Variants in EXOC2 observed in about 807,000 individuals in gnomAD.
EXOC2 encodes SEC5-like 1.
In EXOC2, 70 loss-of-function variants were observed where a neutral mutation model predicts 131.8. The ratio of observed to expected loss-of-function variants is 0.53; its 90% CI spans 0.44 to 0.65. The LOEUF is 0.65. EXOC2 is among the 30% of genes least tolerant of loss of function. EXOC2 has a pLI of 0.00. For synonymous variants in EXOC2, 411 were observed against 398.4 expected (o/e 1.03, Z -0.38); for missense variants, 923 against 1,108.6 (o/e 0.83, Z 2.38).
chr6:539,880 G>A lies in EXOC2; in HGVS notation c.2239-7270C>T, dbSNP rs561656587. ...TCTTTTCAAATGGATGGCAGGACAG[G>A]TGGCAAACTGACATTCCTTTATATT... On this transcript the variant is annotated intron_variant, in intron 22 of 27. Transcript: ENST00000230449. Among the ~76,000 whole-genome samples, 19 of 152,278 alleles carry A rather than the reference G, an allele frequency of 1.2e-4. 1 individual carries two copies. The South Asian group carries it at 2.7e-3, about 22-fold the overall frequency.
chr6:503,158 G>A (rs902321231), intron 23 of EXOC2, among the ~76,000 whole-genome samples: 17 of 145,478 alleles, frequency 1.2e-4, no homozygotes, highest in Non-Finnish European at 2.4e-4. Flanking sequence ...AAATACAGGA[G>A]CAAGTACTTT....
At chr6:624,782 G>C (rs1761467541) in intron 4 of EXOC2, among the ~76,000 whole-genome samples, 1 of 152,198 alleles carries the variant, frequency 6.6e-6, no homozygotes, top group South Asian at 2.1e-4. Context: ...AGGAAAGGAA[G>C]AGGTAGTATA....
At chr6:530,209 A>G (rs1321772981) in intron 23 of EXOC2, among the ~76,000 whole-genome samples, 1 of 152,236 alleles carries the variant, frequency 6.6e-6, no homozygotes, top group African/African-American at 2.4e-5. Context: ...GTACTTTCCT[A>G]CTGAGAAAAT....
chr6:642,782 T>C (rs931797857), intron 1 of EXOC2, among the ~76,000 whole-genome samples: 1 of 152,082 alleles, frequency 6.6e-6, no homozygotes, highest in Non-Finnish European at 1.5e-5. Context: ...GCACAGTAGG[T>C]AGAAGATATT....
chr6:626,567 T>C (rs565708891), intron 4 of EXOC2, among the ~76,000 whole-genome samples: 3 of 151,932 alleles, frequency 2.0e-5, no homozygotes, highest in Non-Finnish European at 4.4e-5. Context: ...GATAACTCAC[T>C]AGGACCACAG....
chr6:493,073 C>T (rs1216623082), intron 25 of EXOC2, among the ~76,000 whole-genome samples: 1 of 152,118 alleles, frequency 6.6e-6, no homozygotes, highest in Non-Finnish European at 1.5e-5. Context: ...GTGGGACACA[C>T]AGGAGAACAT....
At chr6:653,141 C>G (rs541447258) in intron 1 of EXOC2, among the ~76,000 whole-genome samples, 2 of 152,350 alleles carry the variant, frequency 1.3e-5, no homozygotes, top group South Asian at 4.1e-4. Context: ...TCCCTCTCCT[C>G]AAGCCTCCCT....
intron 1 of EXOC2, among the ~76,000 whole-genome samples, chr6:687,168 A>ATTTTTTTTTTTTTTTTTTTT (rs1292769233): frequency 2.5e-5 from 1 of 40,702 alleles, no homozygotes; most frequent in Non-Finnish European, 5.6e-5. Context: ...ATCAAATAAT[A>ATTTTTTTTTTTTTTTTTTTT]TTCTTTTTTT....
intron 11 of EXOC2, 34 bp from the exon 12 acceptor site, chr6:576,916 A>G (rs1040437577): frequency 1.9e-6 from 3 of 1,605,512 alleles, no homozygotes; most frequent in African/African-American, 1.3e-5. Context: ...CAGAGTATAT[A>G]GCATGCTCTA....
intron 1 of EXOC2, among the ~76,000 whole-genome samples, chr6:671,779 A>C (rs1207027494): frequency 6.6e-6 from 1 of 152,076 alleles, no homozygotes; most frequent in African/African-American, 2.4e-5. Context: ...AGTCTGATGT[A>C]ATTTCCATTC....
intron 6 of EXOC2, 137 bp from the exon 7 acceptor site, chr6:610,315 C>T: frequency 2.8e-6 from 2 of 709,042 alleles, no homozygotes; most frequent in Middle Eastern, 3.8e-4. Flanking sequence ...ACATGCTACC[C>T]TGTACAAGGT....
rs1019818529 is a variant in EXOC2 at position 603,615 on chromosome 6, T to G, written c.743-4390A>C. Among the ~76,000 whole-genome samples, 13 of 145,968 alleles carry G rather than the reference T, an allele frequency of 8.9e-5. No homozygotes were observed. The East Asian group carries it at 2.5e-3, about 28-fold the overall frequency. On this transcript the variant is annotated intron_variant, in intron 7 of 27. Coordinates refer to ENST00000230449, the MANE Select transcript of EXOC2 (RefSeq NM_018303.6). Reference sequence around the variant, plus strand: ...AGGTTAATTTTTTCTATCTTCTTCTTTTTTTTTTTGAATGCATGTTGTGAA... The same window carrying G: ...AGGTTAATTTTTTCTATCTTCTTCTGTTTTTTTTTGAATGCATGTTGTGAA...
intron 1 of EXOC2, among the ~76,000 whole-genome samples, chr6:665,625 T>G (rs1262753911): frequency 6.6e-6 from 1 of 152,210 alleles, no homozygotes; most frequent in African/African-American, 2.4e-5. Context: ...TAATAGCATT[T>G]GCAGTGACGT....
intron 22 of EXOC2, among the ~76,000 whole-genome samples, chr6:543,733 C>T (rs142255095): frequency 6.6e-6 from 1 of 152,148 alleles, no homozygotes; most frequent in African/African-American, 2.4e-5. Flanking sequence ...GGAGCCATTC[C>T]CAAGCTGTGG....
At chr6:612,585 C>T (rs918628196) in intron 6 of EXOC2, among the ~76,000 whole-genome samples, 2 of 152,118 alleles carry the variant, frequency 1.3e-5, no homozygotes, top group Non-Finnish European at 2.9e-5. Flanking sequence ...AACTATTACA[C>T]AGAAGAGTAA....
intron 7 of EXOC2, among the ~76,000 whole-genome samples, chr6:600,719 G>A (rs937694284): frequency 5.9e-5 from 9 of 151,716 alleles, no homozygotes; most frequent in Non-Finnish European, 1.2e-4. Flanking sequence ...AGTACAGGAA[G>A]AAAACTCACT....
intron 2 of EXOC2, among the ~76,000 whole-genome samples, chr6:637,004 T>C (rs1762132510): frequency 6.6e-6 from 1 of 152,088 alleles, no homozygotes; most frequent in African/African-American, 2.4e-5. Flanking sequence ...CCTGAGAGCT[T>C]CAAGAACAGG....
chr6:573,121 C>A (rs1455774880), intron 12 of EXOC2, among the ~76,000 whole-genome samples: 1 of 152,214 alleles, frequency 6.6e-6, no homozygotes, highest in Non-Finnish European at 1.5e-5. Flanking sequence ...AGGAAGGAAT[C>A]CAGTTATCAC....
intron 2 of EXOC2, among the ~76,000 whole-genome samples, chr6:634,392 C>T (rs1762002013): frequency 6.6e-6 from 1 of 152,112 alleles, no homozygotes; most frequent in Admixed American, 6.5e-5. Flanking sequence ...GCAGACACTT[C>T]ACACTTTTTC....
Sources: gnomAD v4.1 joint callset for allele counts (sites outside exome capture counted in the v4.1 genomes callset) on GRCh38, gnomAD v4.1.1 for gene constraint, MANE v1.5 for transcripts, NCBI Gene and HGNC (gene_info 2026-07-23, HGNC 2026-07-21) for gene names.